Variants in PCDHA4 observed in about 807,000 individuals in gnomAD.
PCDHA4 encodes the protein protocadherin alpha-4.
Under a neutral mutation model 61.4 loss-of-function variants are expected in PCDHA4, and 49 were observed. The ratio of observed to expected loss-of-function variants is 0.80; its 90% CI spans 0.63 to 1.01. PCDHA4 has a LOEUF of 1.01. PCDHA4 is among the 50% of genes least tolerant of loss of function. PCDHA4 has a pLI of 0.00. For synonymous variants in PCDHA4, 590 were observed against 550.3 expected (o/e 1.07, Z -1.01); for missense variants, 1,254 against 1,235.8 (o/e 1.01, Z -0.22).
chr5:140,877,006 G>T, intron 1 of PCDHA4: 2 of 1,612,484 alleles, frequency 1.2e-6, no homozygotes, highest in Non-Finnish European at 1.7e-6. Context: ...GTCGGTGCAC[G>T]CGGAGAGCGG....
At chr5:140,848,644 A>G in intron 1 of PCDHA4, 2 of 1,593,184 alleles carry the variant, frequency 1.3e-6, no homozygotes, top group South Asian at 2.2e-5. Context: ...CGCATCGCGC[A>G]GGACCTGGGG....
At chr5:140,990,007 C>T (rs1188956345) in intron 3 of PCDHA4, among the ~76,000 whole-genome samples, 2 of 151,870 alleles carry the variant, frequency 1.3e-5, no homozygotes, top group African/African-American at 2.4e-5. Flanking sequence ...TCTCCAAGGG[C>T]GTGGGCTAGG....
intron 1 of PCDHA4, chr5:140,862,752 G>A (rs554442218): frequency 5.2e-6 from 3 of 577,754 alleles, no homozygotes; most frequent in East Asian, 4.7e-5. Flanking sequence ...TGCACGCGGA[G>A]AGCGGCAAGA....
chr5:140,827,978 G>A, intron 1 of PCDHA4: 1 of 1,411,616 alleles, frequency 7.1e-7, no homozygotes, highest in Non-Finnish European at 9.6e-7. Flanking sequence ...ATCATTCCCT[G>A]ACTGTTGAAT....
chr5:140,844,208 T>C (rs1779271586), intron 1 of PCDHA4, among the ~76,000 whole-genome samples: 1 of 149,848 alleles, frequency 6.7e-6, no homozygotes, highest in African/African-American at 2.4e-5. Context: ...TAGTGTCTGG[T>C]AGTCACAAAT....
chr5:140,935,118 T>G (rs189908862), intron 1 of PCDHA4, among the ~76,000 whole-genome samples: 6 of 152,324 alleles, frequency 3.9e-5, no homozygotes, highest in Admixed American at 3.3e-4. Flanking sequence ...AGCTTTCACT[T>G]ATTTTTAGTG....
chr5:140,828,344 T>C (rs1769704236), intron 1 of PCDHA4: 1 of 1,614,208 alleles, frequency 6.2e-7, no homozygotes, highest in East Asian at 2.2e-5. Context: ...TGGCATTTTG[T>C]TTGTGAATTC....
chr5:140,989,745 C>A (rs1554251059), intron 3 of PCDHA4, among the ~76,000 whole-genome samples: 2 of 152,154 alleles, frequency 1.3e-5, no homozygotes, highest in African/African-American at 4.8e-5. Context: ...ATTGCCTAAT[C>A]TGGAGAAACA....
intron 1 of PCDHA4, chr5:140,877,037 C>G: frequency 6.2e-7 from 1 of 1,612,492 alleles, no homozygotes; most frequent in Non-Finnish European, 8.5e-7. Flanking sequence ...GCGCTGCAGC[C>G]GCTAGACCAC....
intron 1 of PCDHA4, chr5:140,867,045 T>C (rs1232896642): frequency 6.6e-6 from 1 of 152,200 alleles, no homozygotes; most frequent in Non-Finnish European, 1.5e-5. Flanking sequence ...ACTTGGCGTT[T>C]GTTCAGTACT....
intron 1 of PCDHA4, chr5:140,857,813 G>A (rs17844346): frequency 6.3e-7 from 1 of 1,597,700 alleles, no homozygotes; most frequent in African/African-American, 1.3e-5. Flanking sequence ...TGCGGGTCAC[G>A]TGGTGGCTAA....
At chr5:140,822,707 A>G (rs2150118718) in intron 1 of PCDHA4, 2 of 1,610,668 alleles carry the variant, frequency 1.2e-6, no homozygotes, top group South Asian at 1.1e-5. Context: ...GATTATGAAG[A>G]CTATAACTCA....
intron 1 of PCDHA4, among the ~76,000 whole-genome samples, chr5:140,926,178 GC>G (rs1221259064): frequency 6.6e-6 from 1 of 151,700 alleles, no homozygotes; most frequent in South Asian, 2.2e-4. Flanking sequence ...AGCGCGGAAA[GC>G]CCCCCGCAGC....
rs1166002941 is a variant in PCDHA4 at position 141,000,351 on chromosome 5, G to A, written c.2534-9276G>A. ...ACAGCAAGGCCCTATCTCTCTCTCT[G>A]TCTCTCTCTGTCTCTCTCTCTCTCT... On this transcript the variant is annotated intron_variant, in intron 3 of 3. Transcript: ENST00000530339. Among the ~76,000 whole-genome samples the A allele has an allele frequency of 6.0e-5, 4 of 66,852 alleles. No homozygotes were observed. The Admixed American group carries it at 6.5e-4, about 11-fold the overall frequency. 43.9% of individuals were successfully genotyped at this position (66,852 alleles called of 152,430 possible).
intron 1 of PCDHA4, chr5:140,876,650 T>C (rs782068706): frequency 3.1e-6 from 5 of 1,614,162 alleles, no homozygotes; most frequent in South Asian, 2.2e-5. Context: ...ACACCTCATG[T>C]TCCCTTCAAG....
At chr5:141,007,325 C>G (rs1303133451) in intron 3 of PCDHA4, among the ~76,000 whole-genome samples, 2 of 145,322 alleles carry the variant, frequency 1.4e-5, no homozygotes, top group Non-Finnish European at 3.0e-5. Flanking sequence ...CTAAAGTGGA[C>G]AGATTGCCTG....
chr5:140,852,838 C>T lies in PCDHA4; in HGVS notation c.2385+43266C>T, dbSNP rs2042489635. 6 of 968,840 alleles carry T rather than the reference C, an allele frequency of 6.2e-6. 1 individual carries two copies. The Admixed American group carries it at 2.5e-4, about 41-fold the overall frequency. The allele number at this position is 968,840 out of a possible 1,614,324, so 60.0% of individuals were successfully genotyped here. A position where few individuals can be genotyped will look rare whatever the true frequency, so the allele number is the denominator to read the frequency against. Reference sequence around the variant, plus strand: ...CCTAAGTCCTCCAGTCTCCTTAGAGCTAGTACTTACTAAGCATTTACTATG... The same window carrying T: ...CCTAAGTCCTCCAGTCTCCTTAGAGTTAGTACTTACTAAGCATTTACTATG... On this transcript the variant is annotated intron_variant, in intron 1 of 3. Coordinates refer to ENST00000530339, the MANE Select transcript of PCDHA4 (RefSeq NM_018907.4).
At chr5:140,905,958 G>T (rs1554192269) in intron 1 of PCDHA4, among the ~76,000 whole-genome samples, 1 of 152,184 alleles carries the variant, frequency 6.6e-6, no homozygotes, top group Non-Finnish European at 1.5e-5. Context: ...GATGTTCAAG[G>T]GGAGGAAGAT....
At position 140,834,666 on chromosome 5, in the gene PCDHA4, C is replaced by G. The variant is rs2150223813; in HGVS notation, c.2385+25094C>G. The G allele has an allele frequency of 1.1e-5, 17 of 1,614,250 alleles. No individual in the cohort carries two copies. In the East Asian group the frequency reaches 3.8e-4, roughly 36 times the overall value. On this transcript the variant is annotated intron_variant, in intron 1 of 3. Transcript: ENST00000530339. Reference sequence around the variant, plus strand: ...GAATTCTCGGATCGACCGCGAGGAGCTGTGCGGGCGGAGCGCGGAGTGCAG... The same window carrying G: ...GAATTCTCGGATCGACCGCGAGGAGGTGTGCGGGCGGAGCGCGGAGTGCAG...
Sources: allele counts gnomAD v4.1 joint callset (sites outside exome capture counted in the v4.1 genomes callset), GRCh38; gene constraint gnomAD v4.1.1; transcripts MANE v1.5; gene names NCBI Gene and HGNC (gene_info 2026-07-23, HGNC 2026-07-21).